FRMD5: variants seen among roughly 807,000 people sequenced by gnomAD.
FRMD5 encodes the protein FERM domain containing 5.
In FRMD5, 20 loss-of-function variants were observed where a neutral mutation model predicts 69.0. The ratio of observed to expected loss-of-function variants is 0.29; its 90% CI spans 0.20 to 0.42. The LOEUF (loss-of-function observed/expected upper bound fraction) is 0.42. Ranked by LOEUF, FRMD5 falls within the 10% of genes least tolerant of loss-of-function variation. The pLI, the probability that FRMD5 is intolerant of heterozygous loss-of-function variation, is 1.00. For synonymous variants in FRMD5, 271 were observed against 260.1 expected (o/e 1.04, Z -0.40); for missense variants, 595 against 708.6 (o/e 0.84, Z 1.82).
At chr15:43,896,960 A>G (rs1567216685) in intron 7 of FRMD5, among the ~76,000 whole-genome samples, 1 of 152,162 alleles carries the variant, frequency 6.6e-6, no homozygotes, top group Admixed American at 6.5e-5. Context: ...CTTGGCCACA[A>G]TAAACTAGAA....
intron 1 of FRMD5, among the ~76,000 whole-genome samples, chr15:44,085,913 AATAATT>A (rs1894179094): frequency 6.6e-6 from 1 of 152,106 alleles, no homozygotes; most frequent in South Asian, 2.1e-4. Context: ...GAAGACATTA[AATAATT>A]TGCCCAAATC....
intron 1 of FRMD5, among the ~76,000 whole-genome samples, chr15:44,080,423 A>G (rs1162333750): frequency 2.6e-5 from 4 of 152,104 alleles, no homozygotes; most frequent in Non-Finnish European, 5.9e-5. Context: ...AAAACACTCC[A>G]TTTTTGTATG....
intron 1 of FRMD5, among the ~76,000 whole-genome samples, chr15:43,995,648 A>G (rs1226963910): frequency 6.7e-6 from 1 of 150,050 alleles, no homozygotes; most frequent in East Asian, 2.0e-4. Flanking sequence ...CCAGCCTGGT[A>G]TTAGGGCAGG....
intron 4 of FRMD5, among the ~76,000 whole-genome samples, chr15:43,910,572 C>CAAAA (rs1167867396): frequency 0.024 from 962 of 40,286 alleles, 112 homozygotes; most frequent in African/African-American, 0.058. Context: ...GACCTTGTCT[C>CAAAA]AAAAAAAAAA....
At chr15:44,006,548 T>G (rs539067057) in intron 1 of FRMD5, among the ~76,000 whole-genome samples, 19 of 152,326 alleles carry the variant, frequency 1.2e-4, no homozygotes, top group Non-Finnish European at 2.1e-4. Context: ...GCAAAGTAAA[T>G]TGAAGAACTG....
chr15:43,986,496 G>A (rs957967989), intron 1 of FRMD5, among the ~76,000 whole-genome samples: 7 of 152,170 alleles, frequency 4.6e-5, no homozygotes, highest in Non-Finnish European at 5.9e-5. Flanking sequence ...GTGACGAAAC[G>A]TATGAAGATG....
rs188441124 is a variant in FRMD5, at chr15:44,031,295, T to C, written c.103-106986A>G. Among the ~76,000 whole-genome samples, 17 of 152,334 alleles carry C rather than the reference T, an allele frequency of 1.1e-4. No homozygotes were observed. The East Asian group carries it at 2.1e-3, about 19-fold the overall frequency. ...ACAACTGGATATTACAGTTATCCCATCATTTCTCTATGAAAATATAAAAAC... is the reference window on the plus strand; with the variant it reads ...ACAACTGGATATTACAGTTATCCCACCATTTCTCTATGAAAATATAAAAAC... On this transcript the variant is annotated intron_variant, in intron 1 of 13. Coordinates refer to ENST00000417257, the MANE Select transcript of FRMD5 (RefSeq NM_032892.5).
At chr15:43,902,079 G>A (rs539495943) in intron 7 of FRMD5, 96 bp downstream of exon 7, 23 of 854,176 alleles carry the variant, frequency 2.7e-5, no homozygotes, top group South Asian at 1.2e-4. Context: ...CCATGTAAAC[G>A]TTGAAGGGGG....
At chr15:44,178,510 C>T (rs762080687) in intron 1 of FRMD5, among the ~76,000 whole-genome samples, 1 of 151,958 alleles carries the variant, frequency 6.6e-6, no homozygotes, top group African/African-American at 2.4e-5. Context: ...TATATATTGC[C>T]GATGACAGAA....
rs1442822525 is a variant in FRMD5, at chr15:44,163,433, G to A, written c.102+31520C>T. On this transcript the variant is annotated intron_variant, in intron 1 of 13. Coordinates refer to ENST00000417257, the MANE Select transcript of FRMD5 (RefSeq NM_032892.5). ...GGGGTTGGGCATTCTAATACTTTTTGAACGACTGAGTGGATAAATAATGAA... is the reference window on the plus strand; with the variant it reads ...GGGGTTGGGCATTCTAATACTTTTTAAACGACTGAGTGGATAAATAATGAA... Among the ~76,000 whole-genome samples the A allele has an allele frequency of 2.0e-5, 3 of 152,108 alleles. No individual in the cohort carries two copies. In the East Asian group the frequency reaches 5.8e-4, roughly 29 times the overall value.
At chr15:44,064,882 GACA>G (rs1320343660) in intron 1 of FRMD5, among the ~76,000 whole-genome samples, 1 of 152,192 alleles carries the variant, frequency 6.6e-6, no homozygotes. Flanking sequence ...ATCATTAATG[GACA>G]CCAGCTGTGG....
rs570599708 is a variant in FRMD5 at position 43,999,847 on chromosome 15, T to C, written c.103-75538A>G. ...ACACACACACATATACAATGGAATA[T>C]CTATATCACAGATATATGTGTGATA... On this transcript the variant is annotated intron_variant, in intron 1 of 13. Coordinates refer to ENST00000417257, the MANE Select transcript of FRMD5 (RefSeq NM_032892.5). 3.8e-5 allele frequency among the ~76,000 whole-genome samples: 4 copies of C among 106,444 alleles called. No homozygotes were observed. The South Asian group carries it at 1.1e-3, about 28-fold the overall frequency. The allele number at this position is 106,444 out of a possible 152,430, so 69.8% of individuals were successfully genotyped here. A position where few individuals can be genotyped will look rare whatever the true frequency, so the allele number is the denominator to read the frequency against.
At chr15:44,103,323 T>C (rs1389326005) in intron 1 of FRMD5, among the ~76,000 whole-genome samples, 4 of 152,158 alleles carry the variant, frequency 2.6e-5, no homozygotes, top group African/African-American at 4.8e-5. Flanking sequence ...TGGTAAAAGA[T>C]ATAGAGGATT....
chr15:43,906,177 C>T (rs559099128), intron 5 of FRMD5, among the ~76,000 whole-genome samples: 8 of 152,218 alleles, frequency 5.3e-5, no homozygotes, highest in Non-Finnish European at 1.2e-4. Flanking sequence ...CAAGTCTATG[C>T]AGAGAGACAG....
At chr15:44,142,289 G>A (rs78893320) in intron 1 of FRMD5, among the ~76,000 whole-genome samples, 3,798 of 152,194 alleles carry the variant, frequency 0.025, 154 homozygotes, top group African/African-American at 0.079. Flanking sequence ...CTCAGTTTTG[G>A]TTTAGCTTTG....
At chr15:43,960,849 C>T (rs1478423146) in intron 1 of FRMD5, among the ~76,000 whole-genome samples, 1 of 152,090 alleles carries the variant, frequency 6.6e-6, no homozygotes, top group East Asian at 1.9e-4. Context: ...TGGCTTAAAG[C>T]TGAGTAGCAA....
intron 1 of FRMD5, among the ~76,000 whole-genome samples, chr15:43,934,428 CT>C (rs1194601172): frequency 6.6e-6 from 1 of 152,176 alleles, no homozygotes; most frequent in Non-Finnish European, 1.5e-5. Flanking sequence ...CCAGGTCCAT[CT>C]TCTAAACAAG....
chr15:44,145,285 T>C (rs1017659806), intron 1 of FRMD5, among the ~76,000 whole-genome samples: 10 of 152,192 alleles, frequency 6.6e-5, no homozygotes, highest in Non-Finnish European at 1.3e-4. Flanking sequence ...GGAAAATGTC[T>C]TTTATGACAC....
At chr15:43,975,916 A>G (rs929539194) in intron 1 of FRMD5, among the ~76,000 whole-genome samples, 1 of 152,226 alleles carries the variant, frequency 6.6e-6, no homozygotes, top group Non-Finnish European at 1.5e-5. Context: ...TGACACAAAG[A>G]AAGACAAATA....
Sources: allele counts gnomAD v4.1 joint callset (sites outside exome capture counted in the v4.1 genomes callset), GRCh38; gene constraint gnomAD v4.1.1; transcripts MANE v1.5; gene names NCBI Gene and HGNC (gene_info 2026-07-23, HGNC 2026-07-21).